BLOC1S3: variants seen among roughly 807,000 people sequenced by gnomAD.
BLOC1S3 encodes the protein biogenesis of lysosome-related organelles complex 1 subunit 3.
BLOC1S3 carries 7 observed loss-of-function variants against 9.1 expected under a neutral mutation model. The observed-to-expected ratio is 0.77, with a 90% CI of 0.44 to 1.45. The LOEUF is 1.45. Ranked by LOEUF, BLOC1S3 falls within the 40% of genes most tolerant of loss-of-function variation. The probability of loss-of-function intolerance (pLI) is 0.01; values close to 1 mark genes in which losing one functional copy is unlikely to be tolerated. For missense variants in BLOC1S3, 307 were observed against 315.2 expected (o/e 0.97, Z 0.20); for synonymous variants, 145 against 158.4 (o/e 0.92, Z 0.64).
intron 2 of BLOC1S3, among the ~76,000 whole-genome samples, chr19:45,192,138 C>A (rs1295964876): frequency 1.3e-5 from 2 of 152,220 alleles, no homozygotes; most frequent in Admixed American, 1.3e-4. Flanking sequence ...ACACAAGCCA[C>A]AAGACAAAAT....
intron 3 of BLOC1S3, among the ~76,000 whole-genome samples, chr19:45,206,450 GTTTTTTTTTT>G (rs1054281226): frequency 1.8e-5 from 1 of 55,152 alleles, no homozygotes; most frequent in Non-Finnish European, 3.1e-5. Flanking sequence ...GATTAATCAA[GTTTTTTTTTT>G]TTTTTTTTTT....
chr19:45,203,870 G>A (rs1029368301), intron 3 of BLOC1S3, among the ~76,000 whole-genome samples: 1 of 152,102 alleles, frequency 6.6e-6, no homozygotes, highest in Non-Finnish European at 1.5e-5. Flanking sequence ...TTTTGGGGTA[G>A]CACCTCACCC....
intron 2 of BLOC1S3, among the ~76,000 whole-genome samples, chr19:45,194,551 C>CAAACTAGACACAATCTAAATGTCA (rs1568473792): frequency 2.0e-5 from 3 of 152,200 alleles, no homozygotes; most frequent in African/African-American, 7.2e-5. Flanking sequence ...TTTGTACCTT[C>CAAACTAGACACAATCTAAATGTCA]AAACTAGACA....
chr19:45,215,955 G>T (rs766683425), intron 3 of BLOC1S3: 1 of 1,431,936 alleles, frequency 7.0e-7, no homozygotes, highest in Middle Eastern at 2.0e-4. Context: ...GGAAACGGCC[G>T]TCAGACACGC....
chr19:45,194,628 A>G (rs2122913674), intron 2 of BLOC1S3, among the ~76,000 whole-genome samples: 1 of 152,312 alleles, frequency 6.6e-6, no homozygotes. Flanking sequence ...AACAGACATT[A>G]TAGCAATGAA....
At chr19:45,191,847 A>G (rs1305144038) in intron 2 of BLOC1S3, among the ~76,000 whole-genome samples, 1 of 152,236 alleles carries the variant, frequency 6.6e-6, no homozygotes, top group Non-Finnish European at 1.5e-5. Context: ...TGTGGCCACC[A>G]GTGCTGGGAC....
chr19:45,179,970 CTCTG>C lies in BLOC1S3; in HGVS notation c.*69_*72del. 2 of 1,557,624 alleles carry C rather than the reference CTCTG, an allele frequency of 1.3e-6. No individual in the cohort carries two copies. Among genetic ancestry groups the C allele is most frequent in the East Asian group, 2.5e-5 (1 of 40,752 alleles). ...AGGCCTTGCTGCCTCTGGGACCTGA[CTCTG>C]TCTCCTGTGTCTCTTATCACCCCCC... On this transcript the variant is annotated 3_prime_UTR_variant, in exon 2 of 2. Transcript: ENST00000433642. This position sits in a 1 kb window ranked among gnomAD's most constrained non-coding sequence, Gnocchi z 4.6.
intron 3 of BLOC1S3, among the ~76,000 whole-genome samples, chr19:45,207,776 G>C (rs115345543): frequency 0.034 from 5,193 of 152,088 alleles, 308 homozygotes; most frequent in African/African-American, 0.12. Context: ...CTACACATAG[G>C]AATGTGCAGG....
At chr19:45,193,229 C>T (rs1015194887) in intron 2 of BLOC1S3, among the ~76,000 whole-genome samples, 8 of 148,974 alleles carry the variant, frequency 5.4e-5, no homozygotes, top group East Asian at 2.0e-4. Flanking sequence ...GTACTGTGTT[C>T]GCTCACCTGA....
intron 3 of BLOC1S3, among the ~76,000 whole-genome samples, chr19:45,213,698 AC>A (rs369123087): frequency 1.0e-3 from 157 of 152,136 alleles, no homozygotes; most frequent in African/African-American, 3.6e-3. Context: ...TAATCCCAGC[AC>A]TTTGGGGGGC....
At chr19:45,209,862 G>A (rs999953143) in intron 3 of BLOC1S3, among the ~76,000 whole-genome samples, 1 of 151,848 alleles carries the variant, frequency 6.6e-6, no homozygotes, top group Non-Finnish European at 1.5e-5. Flanking sequence ...CTTCCAAGTA[G>A]CTGTGATTAT....
downstream of BLOC1S3, among the ~76,000 whole-genome samples, chr19:45,184,230 T>C (rs1390911238): frequency 1.3e-5 from 2 of 152,018 alleles, no homozygotes; most frequent in African/African-American, 2.4e-5. Flanking sequence ...GGGAATCTGA[T>C]TGGAGAGGGT....
At chr19:45,184,509 G>A (rs1172313883), downstream of BLOC1S3, among the ~76,000 whole-genome samples, 1 of 152,204 alleles carries the variant, frequency 6.6e-6, no homozygotes, top group Non-Finnish European at 1.5e-5. Flanking sequence ...GTGAGGCTGA[G>A]ATGGAAGAAT....
chr19:45,204,016 T>G (rs992197409), intron 3 of BLOC1S3, among the ~76,000 whole-genome samples: 1 of 151,024 alleles, frequency 6.6e-6, no homozygotes, highest in Non-Finnish European at 1.5e-5. Flanking sequence ...AGTCGATTCT[T>G]TTTTTTTTGA....
At chr19:45,192,223 C>T (rs368836311) in intron 2 of BLOC1S3, among the ~76,000 whole-genome samples, 2 of 152,304 alleles carry the variant, frequency 1.3e-5, no homozygotes, top group East Asian at 3.9e-4. Context: ...ATGGCAGCTA[C>T]TGCTTGGCTA....
chr19:45,212,219 C>T (rs1369283707), intron 3 of BLOC1S3, among the ~76,000 whole-genome samples: 1 of 152,170 alleles, frequency 6.6e-6, no homozygotes, highest in African/African-American at 2.4e-5. Context: ...GGGTTGGCGT[C>T]GCTCCCAGCA....
intron 3 of BLOC1S3, among the ~76,000 whole-genome samples, chr19:45,208,272 T>C (rs1969742485): frequency 6.6e-6 from 1 of 150,848 alleles, no homozygotes; most frequent in South Asian, 2.2e-4. Context: ...ACACCCAGCC[T>C]CTCTTTTTGT....
At chr19:45,210,888 G>A (rs991086703) in intron 3 of BLOC1S3, among the ~76,000 whole-genome samples, 5 of 152,206 alleles carry the variant, frequency 3.3e-5, no homozygotes, top group Non-Finnish European at 5.9e-5. Flanking sequence ...ACTTTGGGAG[G>A]ATGAGGCAGG....
At chr19:45,192,698 T>C (rs966414154) in intron 2 of BLOC1S3, among the ~76,000 whole-genome samples, 2 of 152,170 alleles carry the variant, frequency 1.3e-5, no homozygotes, top group Admixed American at 6.6e-5. Context: ...CCCAGATGTT[T>C]CTAGAAATCG....
Sources: allele counts gnomAD v4.1 joint callset (sites outside exome capture counted in the v4.1 genomes callset), GRCh38; gene constraint gnomAD v4.1.1; non-coding constraint Gnocchi (gnomAD v3.1); transcripts MANE v1.5; gene names NCBI Gene and HGNC (gene_info 2026-07-23, HGNC 2026-07-21).